The following EDA variants were observed in gnomAD, a reference collection of about 807,000 sequenced individuals.
EDA encodes ectodysplasin A.
In EDA, 2 loss-of-function variants were observed where a neutral mutation model predicts 23.6. The observed-to-expected ratio is 0.08, with a 90% confidence interval of 0.03 to 0.27. The LOEUF (loss-of-function observed/expected upper bound fraction) is 0.27. Ranked by LOEUF, EDA falls within the 10% of genes least tolerant of loss-of-function variation. The pLI, the probability that EDA is intolerant of heterozygous loss-of-function variation, is 1.00. For missense variants in EDA, 229 were observed against 324.2 expected (o/e 0.71, Z 2.26); for synonymous variants, 131 against 132.0 (o/e 0.99, Z 0.05).
rs983858326 is a variant in EDA, at chrX:69,760,256, C to T, written c.396+143552C>T. On this transcript the variant is annotated intron_variant, in intron 1 of 7. Transcript: ENST00000374552. ...CAAATGTACATCATCATCATTTTGC[C>T]TAGCTTTGACTTTATTAAATTTTTG... Among the ~76,000 whole-genome samples the T allele has an allele frequency of 3.8e-5, 4 of 106,001 alleles. No individual in the cohort carries two copies. The East Asian group carries it at 8.7e-4, about 23-fold the overall frequency. 92.0% of individuals were successfully genotyped at this position (106,001 alleles called of 115,157 possible).
chrX:69,788,224 G>C (rs1602408853), intron 1 of EDA, among the ~76,000 whole-genome samples: 1 of 111,798 alleles, frequency 8.9e-6, no homozygotes. Context: ...CAACTTCTTT[G>C]CCTTTGGTTT....
intron 1 of EDA, among the ~76,000 whole-genome samples, chrX:69,821,981 T>C (rs2016237990): frequency 1.8e-5 from 2 of 111,365 alleles, no homozygotes; most frequent in African/African-American, 3.3e-5. Context: ...ATGCCATAAC[T>C]TTTTTACTGA....
At chrX:69,754,453 ACC>A (rs1212420569) in intron 1 of EDA, among the ~76,000 whole-genome samples, 75 of 111,754 alleles carry the variant, frequency 6.7e-4, no homozygotes, top group African/African-American at 2.3e-3. Context: ...CTGATGAGCT[ACC>A]CTTTGTGAGT....
At chrX:69,734,003 G>T (rs2804364) in intron 1 of EDA, among the ~76,000 whole-genome samples, 33,067 of 109,084 alleles carry the variant, frequency 0.3, 4,853 homozygotes, top group Middle Eastern at 0.56. Flanking sequence ...GAAAGTTTGT[G>T]GAAAATTGGT....
At chrX:70,002,057 G>C (rs967795020) in intron 2 of EDA, among the ~76,000 whole-genome samples, 5 of 111,926 alleles carry the variant, frequency 4.5e-5, no homozygotes, top group African/African-American at 1.6e-4. Context: ...ATAGACAGAT[G>C]TGAGAACCAC....
intron 1 of EDA, among the ~76,000 whole-genome samples, chrX:69,832,230 G>A (rs1204118767): frequency 9.0e-6 from 1 of 111,675 alleles, no homozygotes; most frequent in Non-Finnish European, 1.9e-5. Context: ...TGTAAGGAAG[G>A]GATCCAGTTT....
At chrX:69,826,145 T>A (rs1299123878) in intron 1 of EDA, among the ~76,000 whole-genome samples, 1 of 111,342 alleles carries the variant, frequency 9.0e-6, no homozygotes, top group African/African-American at 3.3e-5. Context: ...GGAATAGGTG[T>A]GATGTGGTGC....
At chrX:69,947,805 T>C (rs937527268) in intron 1 of EDA, among the ~76,000 whole-genome samples, 1 of 112,501 alleles carries the variant, frequency 8.9e-6, no homozygotes, top group African/African-American at 3.2e-5. Context: ...ACCCAACTTA[T>C]ATTTTCCATT....
At chrX:69,900,692 T>C (rs2018085936) in intron 1 of EDA, among the ~76,000 whole-genome samples, 1 of 110,587 alleles carries the variant, frequency 9.0e-6, no homozygotes, top group South Asian at 3.8e-4. Context: ...CACAAGCTAG[T>C]GGTTTGGTTG....
At chrX:70,029,233 T>C (rs949359117) in intron 4 of EDA, among the ~76,000 whole-genome samples, 5 of 112,608 alleles carry the variant, frequency 4.4e-5, no homozygotes, top group African/African-American at 1.6e-4. Flanking sequence ...TTGTTCTCCA[T>C]GGGTGCCCGG....
intron 1 of EDA, among the ~76,000 whole-genome samples, chrX:69,793,054 A>G (rs1235559455): frequency 8.9e-6 from 1 of 112,307 alleles, no homozygotes; most frequent in Non-Finnish European, 1.9e-5. Context: ...GCCAATGTCT[A>G]GAAGAGTTTT....
chrX:69,846,613 C>T (rs772390931), intron 1 of EDA, among the ~76,000 whole-genome samples: 5 of 111,108 alleles, frequency 4.5e-5, no homozygotes, highest in African/African-American at 1.3e-4. Flanking sequence ...TTATTAACTT[C>T]GTCAGTCACC....
chrX:69,927,518 C>T (rs1311223413), intron 1 of EDA, among the ~76,000 whole-genome samples: 1 of 111,569 alleles, frequency 9.0e-6, no homozygotes, highest in Non-Finnish European at 1.9e-5. Context: ...CTGAGATGTC[C>T]ACTGTTAGTC....
At chrX:69,638,600 A>G (rs751719257) in intron 1 of EDA, among the ~76,000 whole-genome samples, 3 of 111,755 alleles carry the variant, frequency 2.7e-5, no homozygotes, top group East Asian at 2.8e-4. Context: ...AATGCTTTTT[A>G]TGGCTTCACC....
intron 2 of EDA, chrX:69,957,478 CAA>C (rs59016373): frequency 3.7e-4 from 43 of 115,298 alleles, no homozygotes; most frequent in Non-Finnish European, 4.8e-4. Context: ...GACTCCATCT[CAA>C]AAAAAAAAAA....
chrX:69,990,908 T>C lies in EDA; in HGVS notation c.503-32310T>C, dbSNP rs187080697. 2.2e-4 allele frequency among the ~76,000 whole-genome samples: 24 copies of C among 110,850 alleles called. No individual in the cohort carries two copies. In the East Asian group the frequency reaches 6.8e-3, roughly 31 times the overall value. On this transcript the variant is annotated intron_variant, in intron 2 of 7. Transcript: ENST00000374552. ...ATTTTTCTCTGTTCTTCAGATTGAG[T>C]AAACTATATTCATCTGTCTTTGAGT...
At chrX:69,808,973 C>T (rs1264284728) in intron 1 of EDA, among the ~76,000 whole-genome samples, 1 of 111,377 alleles carries the variant, frequency 9.0e-6, no homozygotes, top group Non-Finnish European at 1.9e-5. Flanking sequence ...ATAATAGCTG[C>T]TTCTTTTAGT....
intron 1 of EDA, among the ~76,000 whole-genome samples, chrX:69,896,938 A>G (rs1308882959): frequency 8.9e-6 from 1 of 111,954 alleles, no homozygotes; most frequent in African/African-American, 3.2e-5. Context: ...ATATTTAAGG[A>G]GTTTTCTACT....
At chrX:69,887,861 T>A (rs944106957) in intron 1 of EDA, among the ~76,000 whole-genome samples, 1 of 111,614 alleles carries the variant, frequency 9.0e-6, no homozygotes, top group African/African-American at 3.3e-5. Context: ...AATAAAGACA[T>A]TTACAAGCAA....
Sources: gnomAD v4.1 joint callset for allele counts (sites outside exome capture counted in the v4.1 genomes callset) on GRCh38, gnomAD v4.1.1 for gene constraint, MANE v1.5 for transcripts, NCBI Gene and HGNC (gene_info 2026-07-23, HGNC 2026-07-21) for gene names.